Variants in CDKAL1 observed in about 807,000 individuals in gnomAD.
The protein encoded by CDKAL1 is CDKAL1 threonylcarbamoyladenosine tRNA methylthiotransferase.
A neutral mutation model predicts 68.2 loss-of-function variants in CDKAL1; 32 were observed. That is an observed-to-expected ratio of 0.47 (90% CI 0.35 to 0.63). The LOEUF is 0.63. Among genes scored for constraint, CDKAL1 ranks in the 30% least tolerant of loss-of-function variants. The pLI is 0.00. For missense variants in CDKAL1, 606 were observed against 696.7 expected, an observed-to-expected ratio of 0.87 and a Z score of 1.47; for synonymous variants, 234 against 244.3, an observed-to-expected ratio of 0.96 and a Z score of 0.39.
chr6:20,945,969 G>A (rs774994209), intron 9 of CDKAL1, among the ~76,000 whole-genome samples: 4 of 151,972 alleles, frequency 2.6e-5, no homozygotes, highest in African/African-American at 9.7e-5. Flanking sequence ...CTTATACAAC[G>A]TATCTAGTGA....
At chr6:20,753,385 T>A (rs1238911629) in intron 6 of CDKAL1, among the ~76,000 whole-genome samples, 1 of 152,224 alleles carries the variant, frequency 6.6e-6, no homozygotes, top group African/African-American at 2.4e-5. Flanking sequence ...GTCAGTGGTC[T>A]CTTTAGATTA....
intron 8 of CDKAL1, among the ~76,000 whole-genome samples, chr6:20,826,005 A>G (rs1435988878): frequency 6.6e-6 from 1 of 152,148 alleles, no homozygotes; most frequent in Admixed American, 6.6e-5. Context: ...TATGACCTGA[A>G]TTTGGTCCCA....
chr6:20,903,045 A>T (rs1036558959), intron 9 of CDKAL1, among the ~76,000 whole-genome samples: 5 of 152,166 alleles, frequency 3.3e-5, no homozygotes, highest in Non-Finnish European at 7.4e-5. Flanking sequence ...AAGTTTGAAT[A>T]TGTGACTTCA....
chr6:20,730,110 A>T (rs977903653), intron 5 of CDKAL1, among the ~76,000 whole-genome samples: 1 of 152,084 alleles, frequency 6.6e-6, no homozygotes, highest in African/African-American at 2.4e-5. Flanking sequence ...ACTTGAGCTC[A>T]GGAGTTTGAG....
intron 4 of CDKAL1, among the ~76,000 whole-genome samples, chr6:20,604,605 G>A (rs1766254714): frequency 6.6e-6 from 1 of 152,168 alleles, no homozygotes. Flanking sequence ...TAGCAAAGAA[G>A]GTGCGGCTAT....
chr6:21,107,389 A>G (rs949803799), intron 12 of CDKAL1, among the ~76,000 whole-genome samples: 9 of 152,138 alleles, frequency 5.9e-5, no homozygotes, highest in Non-Finnish European at 1.0e-4. Flanking sequence ...GTCATTAGAA[A>G]TGAAAAGAGC....
chr6:21,033,365 G>A (rs376456571), intron 11 of CDKAL1, among the ~76,000 whole-genome samples: 1 of 152,152 alleles, frequency 6.6e-6, no homozygotes, highest in Admixed American at 6.5e-5. Context: ...TGCTTGACTA[G>A]TGATAAAGGA....
At chr6:20,959,496 A>G (rs1270887648) in intron 10 of CDKAL1, among the ~76,000 whole-genome samples, 2 of 151,848 alleles carry the variant, frequency 1.3e-5, no homozygotes, top group Non-Finnish European at 2.9e-5. Context: ...TTTCTATTAC[A>G]TTCTTATTCA....
Position 20,969,119 on chromosome 6 carries a change from C to T in CDKAL1, c.909+13534C>T, listed in dbSNP as rs561460268. On this transcript the variant is annotated intron_variant, in intron 10 of 15. Coordinates refer to ENST00000274695, the MANE Select transcript of CDKAL1 (RefSeq NM_017774.3). ...TGACTTTTCTGAATTATAGTTCAGA[C>T]CTTTGAACAATGCACGGCTTAGAGG... Among the ~76,000 whole-genome samples, 6 of 152,202 alleles carry T rather than the reference C, an allele frequency of 3.9e-5. No homozygotes were observed. The South Asian group carries it at 1.2e-3, about 32-fold the overall frequency.
chr6:21,076,546 C>A (rs1286737531), intron 12 of CDKAL1, among the ~76,000 whole-genome samples: 5 of 152,152 alleles, frequency 3.3e-5, no homozygotes, highest in African/African-American at 1.2e-4. Flanking sequence ...AATACTGAAT[C>A]TTTTAGCTTA....
intron 9 of CDKAL1, among the ~76,000 whole-genome samples, chr6:20,878,540 G>C (rs1422019095): frequency 6.6e-6 from 1 of 152,074 alleles, no homozygotes; most frequent in Non-Finnish European, 1.5e-5. Context: ...AGGAGTTCAA[G>C]ACCAGCCTGG....
At chr6:20,610,562 C>G (rs1766575060) in intron 4 of CDKAL1, among the ~76,000 whole-genome samples, 1 of 151,836 alleles carries the variant, frequency 6.6e-6, no homozygotes, top group African/African-American at 2.4e-5. Context: ...CCAGTCTTCC[C>G]TCTCCTCTTC....
At chr6:20,642,489 A>AAC (rs1554167887) in intron 4 of CDKAL1, among the ~76,000 whole-genome samples, 404 of 151,150 alleles carry the variant, frequency 2.7e-3, no homozygotes, top group Non-Finnish European at 4.6e-3. Flanking sequence ...AAAAAAAAAA[A>AAC]AAAACACTGC....
At chr6:20,759,925 TA>T (rs1406992784) in intron 7 of CDKAL1, among the ~76,000 whole-genome samples, 1 of 152,120 alleles carries the variant, frequency 6.6e-6, no homozygotes, top group South Asian at 2.1e-4. Flanking sequence ...TTATATTTTT[TA>T]AAAAACCATA....
chr6:21,172,634 A>G (rs1562091012), intron 13 of CDKAL1, among the ~76,000 whole-genome samples: 1 of 152,146 alleles, frequency 6.6e-6, no homozygotes, highest in East Asian at 1.9e-4. Flanking sequence ...GCATGCCCCT[A>G]TAGTCCCAGC....
intron 4 of CDKAL1, among the ~76,000 whole-genome samples, chr6:20,557,578 T>C (rs992152722): frequency 6.6e-6 from 1 of 152,136 alleles, no homozygotes; most frequent in Admixed American, 6.6e-5. Flanking sequence ...TGTGAATACA[T>C]ATATATGTTT....
In CDKAL1 at chr6:20,843,981, G is replaced by GA. The variant is rs375644261; in HGVS notation, c.639-2085dup. 1.0e-3 allele frequency among the ~76,000 whole-genome samples: 156 copies of GA among 150,086 alleles called. 1 individual carries two copies. Among genetic ancestry groups the GA allele is most frequent in the South Asian group, 9.3e-3 (44 of 4,750 alleles). On this transcript the variant is annotated intron_variant, in intron 8 of 15. Coordinates refer to ENST00000274695, the MANE Select transcript of CDKAL1 (RefSeq NM_017774.3). ...TGACTGGGCCATGGAGACACTCGAG[G>GA]AAAAAAAAACAGAGAGAACCCTGGT... is the stretch of plus-strand genomic sequence containing the variant.
At chr6:20,633,602 A>G (rs377392508) in intron 4 of CDKAL1, among the ~76,000 whole-genome samples, 1 of 152,182 alleles carries the variant, frequency 6.6e-6, no homozygotes, top group Non-Finnish European at 1.5e-5. Flanking sequence ...AATTTGAGGA[A>G]TTGCCAGATT....
chr6:20,739,604 A>G lies in CDKAL1; in HGVS notation c.457A>G (p.Ser153Gly). 1 of 1,605,186 alleles carries G rather than the reference A, an allele frequency of 6.2e-7. No individual in the cohort carries two copies. Among genetic ancestry groups the G allele is most frequent in the East Asian group, 2.2e-5 (1 of 44,820 alleles). ...QPRQDYLKGL[S>G]IIGVQQIDRV... ...TCGCCAGGACTACCTTAAGGGACTG[A>G]GTATCATTGGGGTAAGCTTGTACCT... Residue 153 changes from serine (S) to glycine (G), a missense_variant, in exon 6 of 16, where the codon AGT becomes GGT. Transcript: ENST00000274695.
Sources: allele counts gnomAD v4.1 joint callset (sites outside exome capture counted in the v4.1 genomes callset), GRCh38; gene constraint gnomAD v4.1.1; transcripts MANE v1.5; gene names NCBI Gene and HGNC (gene_info 2026-07-23, HGNC 2026-07-21).